Variants in GABRR1 observed in about 807,000 individuals in gnomAD.
The protein encoded by GABRR1 is gamma-aminobutyric acid receptor subunit rho-1.
Under a neutral mutation model 55.5 loss-of-function variants are expected in GABRR1, and 59 were observed. That is an observed-to-expected ratio of 1.06 (90% CI 0.86 to 1.32). The LOEUF (loss-of-function observed/expected upper bound fraction) is 1.32, where lower values mean the gene tolerates loss of function less well. Ranked by LOEUF, GABRR1 falls within the 40% of genes most tolerant of loss-of-function variation. The pLI, the probability that GABRR1 is intolerant of heterozygous loss-of-function variation, is 0.00. For missense variants in GABRR1, 602 were observed against 619.1 expected (o/e 0.97, Z 0.29); for synonymous variants, 213 against 226.0 (o/e 0.94, Z 0.51).
intron 2 of GABRR1, among the ~76,000 whole-genome samples, chr6:89,202,175 CATACTTTTAGCAG>C (rs1246240164): frequency 6.6e-6 from 1 of 152,218 alleles, no homozygotes; most frequent in African/African-American, 2.4e-5. Flanking sequence ...CGATTGGTAA[CATACTTTTAGCAG>C]TTGACAATTT....
chr6:89,221,278 C>T (rs1322362006), upstream of GABRR1: 3 of 152,368 alleles, frequency 2.0e-5, no homozygotes, highest in African/African-American at 7.2e-5. Context: ...CACTCACTGA[C>T]TGATGGGTGA....
At chr6:89,228,466 C>T (rs1345190190) in intron 1 of GABRR1, among the ~76,000 whole-genome samples, 1 of 34,704 alleles carries the variant, frequency 2.9e-5, no homozygotes, top group Non-Finnish European at 5.7e-5. Flanking sequence ...TATGTTGTGT[C>T]TTTGTTCTCG....
At chr6:89,199,223 G>A in intron 4 of GABRR1, 139 bp downstream of exon 4, 2 of 749,838 alleles carry the variant, frequency 2.7e-6, no homozygotes, top group Admixed American at 4.1e-5. Context: ...ATCTTCCTGA[G>A]CCATCTGAAA....
chr6:89,194,041 T>C (rs1217417350), intron 5 of GABRR1, among the ~76,000 whole-genome samples: 1 of 152,194 alleles, frequency 6.6e-6, no homozygotes, highest in African/African-American at 2.4e-5. Flanking sequence ...AGGAGATTTG[T>C]CCTTACCTTA....
intron 3 of GABRR1, among the ~76,000 whole-genome samples, chr6:89,199,906 G>A (rs1398074017): frequency 6.6e-6 from 1 of 152,188 alleles, no homozygotes; most frequent in Non-Finnish European, 1.5e-5. Context: ...CAACATGATG[G>A]AGTAGCTTCC....
intron 5 of GABRR1, among the ~76,000 whole-genome samples, chr6:89,192,023 C>T (rs1272660472): frequency 6.7e-6 from 1 of 149,592 alleles, no homozygotes; most frequent in Admixed American, 6.7e-5. Flanking sequence ...GCCTGGGCAA[C>T]AGAGTGAGAC....
At position 89,198,140 on chromosome 6, in the gene GABRR1, T is replaced by C. The variant is rs2127798530; in HGVS notation, c.452A>G (p.Lys151Arg). Residue 151 changes from lysine (K) to arginine (R), a missense_variant, in exon 5 of 10, where the codon AAG becomes AGG. Physicochemically the swap from Lys to Arg is conservative, Grantham distance 26. Coordinates refer to ENST00000454853, the MANE Select transcript of GABRR1 (RefSeq NM_002042.5). ...AAACATGTCAGGGACCCAGATCTTCTTGACCAGCCGGCCGTCAAACGTCAT... is the reference window on the plus strand; with the variant it reads ...AAACATGTCAGGGACCCAGATCTTCCTGACCAGCCGGCCGTCAAACGTCAT... ...LSMTFDGRLVKKIWVPDMFFV... is the reference protein window; with the variant it reads ...LSMTFDGRLVRKIWVPDMFFV... 3 of 1,614,108 alleles carry C rather than the reference T, an allele frequency of 1.9e-6. No individual in the cohort carries two copies. The highest frequency in any genetic ancestry group is 4.5e-5 in the East Asian group (2 of 44,880).
intron 5 of GABRR1, among the ~76,000 whole-genome samples, chr6:89,196,872 A>AAAGAAAGAAAGAAAGAAAGT (rs1772308864): frequency 7.1e-6 from 1 of 140,168 alleles, no homozygotes; most frequent in African/African-American, 2.6e-5. Flanking sequence ...AGAAAGAAAG[A>AAAGAAAGAAAGAAAGAAAGT]AAGAAAGAGA....
upstream of GABRR1, among the ~76,000 whole-genome samples, chr6:89,219,920 T>A (rs570056918): frequency 6.6e-5 from 10 of 152,344 alleles, no homozygotes; most frequent in South Asian, 1.9e-3. Context: ...TCCTTTAACG[T>A]GCTTTCAATT....
At chr6:89,190,527 G>T (rs1294037804) in intron 5 of GABRR1, among the ~76,000 whole-genome samples, 1 of 152,176 alleles carries the variant, frequency 6.6e-6, no homozygotes, top group Non-Finnish European at 1.5e-5. Flanking sequence ...TGGTCTCAAT[G>T]AATATAATAA....
chr6:89,198,633 C>T (rs1003153167), intron 4 of GABRR1, among the ~76,000 whole-genome samples: 1 of 152,092 alleles, frequency 6.6e-6, no homozygotes, highest in Non-Finnish European at 1.5e-5. Context: ...GAGCCTGCAC[C>T]CCTGAGTCAG....
intron 1 of GABRR1, among the ~76,000 whole-genome samples, chr6:89,230,448 A>G (rs1773265336): frequency 6.7e-6 from 1 of 148,318 alleles, no homozygotes; most frequent in Non-Finnish European, 1.5e-5. Flanking sequence ...TTCGGTGTGG[A>G]TGTCCTTTCT....
intron 7 of GABRR1, among the ~76,000 whole-genome samples, chr6:89,182,788 G>T (rs1688318624): frequency 6.6e-6 from 1 of 152,016 alleles, no homozygotes; most frequent in Non-Finnish European, 1.5e-5. Flanking sequence ...AAGGCGGGAG[G>T]ATTGCTTGAG....
intron 3 of GABRR1, among the ~76,000 whole-genome samples, chr6:89,200,264 T>C (rs911354231): frequency 4.0e-5 from 4 of 98,932 alleles, no homozygotes; most frequent in Non-Finnish European, 8.7e-5. Flanking sequence ...TTTTTTTTTT[T>C]TGGAGACAGA....
intron 1 of GABRR1, 74 bp from the exon 2 acceptor site, chr6:89,203,559 C>T: frequency 2.8e-6 from 3 of 1,075,356 alleles, no homozygotes; most frequent in Non-Finnish European, 2.9e-6. Context: ...ACCCCTCTCC[C>T]TCCAGATTTG....
At chr6:89,209,263 AT>A (rs1427036448) in intron 1 of GABRR1, among the ~76,000 whole-genome samples, 1 of 151,536 alleles carries the variant, frequency 6.6e-6, no homozygotes, top group East Asian at 1.9e-4. Flanking sequence ...GGGTTACTTT[AT>A]TTTTTTTAAT....
Position 89,201,166 on chromosome 6 carries a change from G to A in GABRR1, c.273C>T (p.Gly91=). ...AGAGCACACATCCCATACCTCCAAA[G>A]CCAGGCCTCATGCTGAAATCATGGT... ...IDDHDFSMRP[G]FGGPAIPVGV... is the part of the protein sequence containing the mutation. Residue 91 remains glycine, a synonymous_variant, in exon 3 of 10, where the codon GGC becomes GGT. Coordinates refer to ENST00000454853, the MANE Select transcript of GABRR1 (RefSeq NM_002042.5). 8 of 1,613,020 alleles carry A rather than the reference G, an allele frequency of 5.0e-6. No homozygotes were observed. Among genetic ancestry groups the A allele is most frequent in the Non-Finnish European group, 6.8e-6 (8 of 1,178,990 alleles).
rs1772358364 is a variant in GABRR1, at chr6:89,198,107, T to C, written c.485A>G (p.His162Arg). The C allele has an allele frequency of 1.4e-5, 22 of 1,613,850 alleles. No homozygotes were observed. The highest frequency in any genetic ancestry group is 1.9e-5 in the Non-Finnish European group (22 of 1,180,014). The part of the protein sequence containing the change: ...KIWVPDMFFV[H>R]SKRSFIHDTT... ...GTCGTGGATGAAGGAGCGTTTGGAG[T>C]GCACGAAAAACATGTCAGGGACCCA... Residue 162 changes from histidine to arginine, a missense_variant, in exon 5 of 10, where the codon CAC becomes CGC. Physicochemically the swap from His to Arg is conservative, Grantham distance 29 (BLOSUM62 0). Around this residue, in one of 3 missense-constraint regions of GABRR1, gnomAD observed 435 missense variants for 424.2 expected, o/e 1.03. Transcript: ENST00000454853.
intron 5 of GABRR1, among the ~76,000 whole-genome samples, chr6:89,196,825 A>AGG: frequency 7.4e-5 from 6 of 81,164 alleles, no homozygotes; most frequent in South Asian, 3.9e-4. Flanking sequence ...AAAAGAAGGA[A>AGG]AGAAAGAAAG....
Sources: gnomAD v4.1 joint callset for allele counts (sites outside exome capture counted in the v4.1 genomes callset) on GRCh38, gnomAD v4.1.1 for gene constraint, gnomAD v4.1.1 regional missense constraint, MANE v1.5 for transcripts, NCBI Gene and HGNC (gene_info 2026-07-23, HGNC 2026-07-21) for gene names.